FNDC3A: variants seen among roughly 807,000 people sequenced by gnomAD.
FNDC3A encodes the protein fibronectin type III domain containing 3A, also known as fibronectin type-III domain-containing protein 3A.
FNDC3A carries 32 observed loss-of-function variants against 148.9 expected under a neutral mutation model. That is an observed-to-expected ratio of 0.21 (90% CI 0.16 to 0.29). FNDC3A has a LOEUF of 0.29. Ranked by LOEUF, FNDC3A falls within the 10% of genes least tolerant of loss-of-function variation. The pLI is 1.00. For missense variants in FNDC3A, 1,191 were observed against 1,452.8 expected (o/e 0.82, Z 2.93); for synonymous variants, 472 against 473.6 (o/e 1.00, Z 0.04).
intron 3 of FNDC3A, among the ~76,000 whole-genome samples, chr13:49,101,377 C>T (rs1250755482): frequency 6.6e-6 from 1 of 152,114 alleles, no homozygotes; most frequent in Non-Finnish European, 1.5e-5. Context: ...CCACAAGAAT[C>T]AGAGTCAGGG....
At chr13:49,151,278 A>G (rs1883278142) in intron 8 of FNDC3A, among the ~76,000 whole-genome samples, 1 of 152,194 alleles carries the variant, frequency 6.6e-6, no homozygotes, top group Admixed American at 6.5e-5. Context: ...TGTTGGGTAC[A>G]TATATGTTTA....
At chr13:49,032,477 G>A (rs965241779) in intron 2 of FNDC3A, among the ~76,000 whole-genome samples, 4 of 152,112 alleles carry the variant, frequency 2.6e-5, no homozygotes, top group South Asian at 4.1e-4. Flanking sequence ...AGTATATGCC[G>A]CAATGTGGAT....
At chr13:49,134,336 T>G (rs1882206563) in intron 5 of FNDC3A, among the ~76,000 whole-genome samples, 1 of 152,188 alleles carries the variant, frequency 6.6e-6, no homozygotes, top group Non-Finnish European at 1.5e-5. Flanking sequence ...TTTCACTTAA[T>G]GTCATGTTTT....
At chr13:49,168,520 C>T in intron 9 of FNDC3A, 93 bp from the exon 10 acceptor site, 1 of 746,758 alleles carries the variant, frequency 1.3e-6, no homozygotes, top group South Asian at 3.2e-5. Flanking sequence ...TTTTAGTGGA[C>T]ACCTTCCTAA....
intron 8 of FNDC3A, among the ~76,000 whole-genome samples, chr13:49,155,410 T>A: frequency 6.6e-6 from 1 of 151,448 alleles, no homozygotes; most frequent in Non-Finnish European, 1.5e-5. Context: ...TCTTCTCTCT[T>A]TTTTTCTTTA....
At position 49,191,236 on chromosome 13, in the gene FNDC3A, C is replaced by T; in HGVS notation, c.2078C>T (p.Pro693Leu). The change falls in exon 19 of 26, where the codon CCC becomes CTC. Residue 693 changes from proline (P) to leucine (L), a missense_variant. Pro to Leu is a moderately conservative substitution (Grantham distance 98). Coordinates refer to ENST00000492622, the MANE Select transcript of FNDC3A (RefSeq NM_001079673.2). ...CCCCCTCTGGTTGATGGTGGATCAC[C>T]CATTTCCTGTTACAGTGTGGAAATG... The part of the protein sequence containing the change: ...WGPPLVDGGS[P>L]ISCYSVEMSP... The T allele has an allele frequency of 3.7e-6, 6 of 1,609,756 alleles. No homozygotes were observed. The highest frequency in any genetic ancestry group is 5.1e-6 in the Non-Finnish European group (6 of 1,178,580).
chr13:49,044,485 C>T (rs1875202658), intron 2 of FNDC3A: 1 of 159,450 alleles, frequency 6.3e-6, no homozygotes, highest in Non-Finnish European at 1.4e-5. Flanking sequence ...GCCTGACCAA[C>T]ATGGTAAAAC....
chr13:49,146,767 C>T (rs570705880), intron 8 of FNDC3A: 8 of 152,140 alleles, frequency 5.3e-5, no homozygotes, highest in Admixed American at 1.3e-4. Flanking sequence ...TTACGCACCA[C>T]GAAGCCTTAG....
At chr13:49,100,951 G>T (rs1328040550) in intron 3 of FNDC3A, among the ~76,000 whole-genome samples, 1 of 152,048 alleles carries the variant, frequency 6.6e-6, no homozygotes, top group Non-Finnish European at 1.5e-5. Context: ...TAAAACTTTT[G>T]TTGAATCGAC....
chr13:48,983,078 C>A (rs565423370), intron 1 of FNDC3A, among the ~76,000 whole-genome samples: 1 of 152,178 alleles, frequency 6.6e-6, no homozygotes, highest in Non-Finnish European at 1.5e-5. Flanking sequence ...TTAAAATGTC[C>A]TAGATACTTA....
At chr13:49,114,789 C>A in intron 4 of FNDC3A, 58 bp downstream of exon 4, 1 of 1,157,280 alleles carries the variant, frequency 8.6e-7, no homozygotes, top group Non-Finnish European at 1.3e-6. Flanking sequence ...ATGTTATTCT[C>A]TTTGACTTTG....
intron 8 of FNDC3A, among the ~76,000 whole-genome samples, chr13:49,158,931 G>A (rs1043702079): frequency 6.6e-6 from 1 of 152,156 alleles, no homozygotes; most frequent in Non-Finnish European, 1.5e-5. Context: ...GATGTTTGTA[G>A]ATATGTGGTA....
chr13:49,027,335 T>G (rs942845658), intron 2 of FNDC3A, among the ~76,000 whole-genome samples: 1 of 152,146 alleles, frequency 6.6e-6, no homozygotes, highest in Non-Finnish European at 1.5e-5. Flanking sequence ...ATAGGAATGG[T>G]TAGTGAATGC....
At chr13:49,027,338 G>A (rs1308575008) in intron 2 of FNDC3A, among the ~76,000 whole-genome samples, 1 of 152,218 alleles carries the variant, frequency 6.6e-6, no homozygotes, top group African/African-American at 2.4e-5. Context: ...GGAATGGTTA[G>A]TGAATGCTTT....
At chr13:49,121,356 G>A (rs1414785703) in intron 4 of FNDC3A, among the ~76,000 whole-genome samples, 1 of 152,100 alleles carries the variant, frequency 6.6e-6, no homozygotes, top group Non-Finnish European at 1.5e-5. Flanking sequence ...GTATGTAGAG[G>A]GAAATTTATA....
rs1199760266 is a variant in FNDC3A at position 49,209,617 on chromosome 13, TATTC to T, written c.*2226_*2229del. 1 of 152,628 alleles carries T rather than the reference TATTC, an allele frequency of 6.6e-6. No individual in the cohort carries two copies. The highest frequency in any genetic ancestry group is 1.5e-5 in the Non-Finnish European group (1 of 68,030). 9.5% of individuals were successfully genotyped at this position (152,628 alleles called of 1,614,324 possible). A position where few individuals can be genotyped will look rare whatever the true frequency, so the allele number is the denominator to read the frequency against. ...GAGATACGTTTATTGTATTCATATA[TATTC>T]ATTATTTGCTACCTGTTTAAGAAAG... is the stretch of plus-strand genomic sequence containing the variant. On this transcript the variant is annotated 3_prime_UTR_variant, in exon 26 of 26. Transcript: ENST00000492622.
intron 24 of FNDC3A, 43 bp downstream of exon 24, chr13:49,202,009 CT>C (rs1886441914): frequency 8.2e-7 from 1 of 1,216,522 alleles, no homozygotes; most frequent in Admixed American, 2.9e-5. Context: ...TAATAAATTA[CT>C]TTTTAATGTA....
At chr13:49,128,017 G>C (rs549732218) in intron 4 of FNDC3A, among the ~76,000 whole-genome samples, 45 of 152,230 alleles carry the variant, frequency 3.0e-4, no homozygotes, top group African/African-American at 1.0e-3. Flanking sequence ...GAGCAGCTGG[G>C]ACTACAGGTG....
At chr13:49,041,448 T>C (rs1300405980) in intron 2 of FNDC3A, among the ~76,000 whole-genome samples, 2 of 152,148 alleles carry the variant, frequency 1.3e-5, no homozygotes, top group Non-Finnish European at 2.9e-5. Flanking sequence ...GTTGAATGAA[T>C]TAATCAGTTC....
Sources: gnomAD v4.1 joint callset for allele counts (sites outside exome capture counted in the v4.1 genomes callset) on GRCh38, gnomAD v4.1.1 for gene constraint, MANE v1.5 for transcripts, NCBI Gene and HGNC (gene_info 2026-07-23, HGNC 2026-07-21) for gene names.